Variants in LEMD3 observed in about 807,000 individuals in gnomAD.
LEMD3 encodes the protein LEM domain containing 3.
In LEMD3, 33 loss-of-function variants were observed where a neutral mutation model predicts 95.2. The observed-to-expected ratio is 0.35, with a 90% CI of 0.26 to 0.46. LEMD3 has a LOEUF of 0.46. Among genes scored for constraint, LEMD3 ranks in the 20% least tolerant of loss-of-function variants. The pLI is 1.00. For missense variants in LEMD3, 1,210 were observed against 1,192.8 expected (o/e 1.01, Z -0.21); for synonymous variants, 525 against 474.6 (o/e 1.11, Z -1.38).
At chr12:65,192,353 T>G (rs551843346) in intron 1 of LEMD3, among the ~76,000 whole-genome samples, 110 of 152,312 alleles carry the variant, frequency 7.2e-4, no homozygotes, top group African/African-American at 2.5e-3. Context: ...TTTTCTCATA[T>G]GCATTCATAT....
At position 65,169,739 on chromosome 12, in the gene LEMD3, A is replaced by G; in HGVS notation, c.143A>G (p.Glu48Gly). The G allele has an allele frequency of 6.3e-7, 1 of 1,592,946 alleles. No homozygotes were observed. The highest frequency in any genetic ancestry group is 2.3e-5 in the East Asian group (1 of 44,122). Residue 48 changes from glutamate (E) to glycine (G), a missense_variant, in exon 1 of 13, where the codon GAG becomes GGG. By Grantham distance (98) the Glu-to-Gly change is moderately conservative. Around this residue, in one of 2 missense-constraint regions of LEMD3, gnomAD observed 749 missense variants for 622.9 expected, o/e 1.20. Coordinates refer to ENST00000308330, the MANE Select transcript of LEMD3 (RefSeq NM_014319.5). ...CTCAAGAAGCTGAAGAAGCTTCGAG[A>G]GGAAGAGCAGCAACAGCACCGGTCA... Reference protein sequence around the residue: ...VYLKKLKKLREEEQQQHRSGG... With the variant: ...VYLKKLKKLRGEEQQQHRSGG...
chr12:65,236,299 T>C (rs543703272), intron 4 of LEMD3, among the ~76,000 whole-genome samples: 6 of 152,184 alleles, frequency 3.9e-5, no homozygotes, highest in Non-Finnish European at 8.8e-5. Context: ...CCTAGCACTT[T>C]GGGAGGCCAA....
intron 4 of LEMD3, 110 bp from the exon 5 acceptor site, chr12:65,238,392 A>G: frequency 2.8e-6 from 2 of 702,108 alleles, no homozygotes; most frequent in South Asian, 3.5e-5. Context: ...TGAATATTTT[A>G]TGTTATGTAG....
At chr12:65,212,778 T>C (rs1321545920) in intron 2 of LEMD3, among the ~76,000 whole-genome samples, 4 of 152,222 alleles carry the variant, frequency 2.6e-5, no homozygotes, top group African/African-American at 9.7e-5. Context: ...ATGTATTTAC[T>C]TGTGGAACTT....
chr12:65,226,169 A>G (rs1268874121), intron 4 of LEMD3, among the ~76,000 whole-genome samples: 4 of 152,208 alleles, frequency 2.6e-5, no homozygotes, highest in Non-Finnish European at 5.9e-5. Context: ...AGATTCAGAC[A>G]TGACAGAAAC....
At chr12:65,194,817 C>CTTTAGATTATAATTTATAAATTACAA (rs1869362956) in intron 1 of LEMD3, among the ~76,000 whole-genome samples, 1 of 10,426 alleles carries the variant, frequency 9.6e-5, no homozygotes. Flanking sequence ...CTTAATTATA[C>CTTTAGATTATAATTTATAAATTACAA]TTTAGATTAT....
chr12:65,195,890 C>T (rs1446062103), intron 1 of LEMD3, among the ~76,000 whole-genome samples: 5 of 151,972 alleles, frequency 3.3e-5, no homozygotes, highest in Non-Finnish European at 7.4e-5. Flanking sequence ...AAAAATAGTC[C>T]TTATGCCAGT....
Position 65,169,901 on chromosome 12 carries a change from G to A in LEMD3, c.305G>A (p.Arg102Gln), listed in dbSNP as rs1868460569. The A allele has an allele frequency of 4.1e-6, 6 of 1,449,480 alleles. No individual in the cohort carries two copies. The highest frequency in any genetic ancestry group is 5.4e-6 in the Non-Finnish European group (6 of 1,101,174). The allele number at this position is 1,449,480 out of a possible 1,614,324, so 89.8% of individuals were successfully genotyped here. A position where few individuals can be genotyped will look rare whatever the true frequency, so the allele number is the denominator to read the frequency against. Residue 102 changes from arginine (R) to glutamine (Q), a missense_variant, in exon 1 of 13, where the codon CGG becomes CAG. By Grantham distance (43) the Arg-to-Gln change is conservative. Coordinates refer to ENST00000308330, the MANE Select transcript of LEMD3 (RefSeq NM_014319.5). ...RPVSGDLSYL[R>Q]TPGGLCRISA... Reference sequence around the variant, plus strand: ...GTCTCGGGCGACCTCTCCTACTTACGGACTCCTGGGGGCCTGTGCCGAATC... The same window carrying A: ...GTCTCGGGCGACCTCTCCTACTTACAGACTCCTGGGGGCCTGTGCCGAATC...
At chr12:65,223,299 A>ATTTTT (rs35145654) in intron 4 of LEMD3, among the ~76,000 whole-genome samples, 1 of 118,656 alleles carries the variant, frequency 8.4e-6, no homozygotes, top group Admixed American at 8.8e-5. Context: ...TCATGTGATG[A>ATTTTT]TTTTTTTTTT....
Position 65,169,641 on chromosome 12 carries a change from G to T in LEMD3, c.45G>T (p.Glu15Asp), listed in dbSNP as rs1478048014. ...CGGCGCCTCAGCAGCTCTCGGATGA[G>T]GAGCTTTTCTCTCAGCTCCGCCGTT... ...AASAPQQLSD[E>D]ELFSQLRRYG... The change falls in exon 1 of 13, where the codon GAG (glutamate) becomes GAT (aspartate). Residue 15 changes from glutamate (E) to aspartate (D), a missense_variant. By Grantham distance (45) the Glu-to-Asp change is conservative. Coordinates refer to ENST00000308330, the MANE Select transcript of LEMD3 (RefSeq NM_014319.5). 1 of 1,589,036 alleles carries T rather than the reference G, an allele frequency of 6.3e-7. No homozygotes were observed. The highest frequency in any genetic ancestry group is 8.6e-7 in the Non-Finnish European group (1 of 1,169,424).
chr12:65,239,841 T>G, intron 6 of LEMD3, 88 bp from the exon 7 acceptor site: 1 of 870,886 alleles, frequency 1.1e-6, no homozygotes, highest in Non-Finnish European at 1.9e-6. Context: ...GAAGGTTCAT[T>G]CCGTTGTGGC....
At chr12:65,222,818 T>A (rs1332357794) in intron 4 of LEMD3, among the ~76,000 whole-genome samples, 3 of 152,058 alleles carry the variant, frequency 2.0e-5, no homozygotes, top group Non-Finnish European at 4.4e-5. Context: ...CTGCTTCTCA[T>A]AAATTTTGTT....
At chr12:65,186,977 A>C (rs1271061957) in intron 1 of LEMD3, among the ~76,000 whole-genome samples, 1 of 152,048 alleles carries the variant, frequency 6.6e-6, no homozygotes, top group Non-Finnish European at 1.5e-5. Context: ...ATTTGCAAGG[A>C]CTTTTACATA....
chr12:65,221,480 C>A (rs1870286198), intron 4 of LEMD3, among the ~76,000 whole-genome samples: 1 of 152,020 alleles, frequency 6.6e-6, no homozygotes, highest in East Asian at 1.9e-4. Context: ...GCCTTGGCCT[C>A]CTAAAGCACG....
In LEMD3 at chr12:65,170,876, C is replaced by G. The variant is rs1868524487; in HGVS notation, c.1280C>G (p.Ala427Gly). 11 of 1,614,118 alleles carry G rather than the reference C, an allele frequency of 6.8e-6. No individual in the cohort carries two copies. Among genetic ancestry groups the G allele is most frequent in the Non-Finnish European group, 7.6e-6 (9 of 1,180,050 alleles). ...AASSSLRINH[A>G]NHTGSNHTYL... ...TCTAGTTCACTCAGGATCAATCACGCCAATCATACGGGCTCCAATCATACC... is the reference window on the plus strand; with the variant it reads ...TCTAGTTCACTCAGGATCAATCACGGCAATCATACGGGCTCCAATCATACC... Residue 427 changes from alanine (A) to glycine (G), a missense_variant, in exon 1 of 13, where the codon GCC becomes GGC. This residue lies in a region of LEMD3 where 749 missense variants were observed against 622.9 expected (regional missense o/e 1.20). Transcript: ENST00000308330.
chr12:65,212,786 C>CT (rs1395964957), intron 2 of LEMD3, among the ~76,000 whole-genome samples: 3 of 152,206 alleles, frequency 2.0e-5, no homozygotes, highest in South Asian at 2.1e-4. Context: ...ACTTGTGGAA[C>CT]TTTAACTAGT....
intron 1 of LEMD3, among the ~76,000 whole-genome samples, chr12:65,193,279 G>A (rs929764187): frequency 2.0e-5 from 3 of 152,132 alleles, no homozygotes; most frequent in Non-Finnish European, 4.4e-5. Context: ...GGCCAAGTGG[G>A]TGACTTGAGA....
rs756879696 is a variant in LEMD3 at position 65,170,632 on chromosome 12, T to C, written c.1036T>C (p.Cys346Arg). ...EAAAAEQGGG[C>R]DQVDSSPVPR... ...GGCGGCCGCGGAGCAGGGAGGAGGG[T>C]GTGATCAAGTGGACTCCAGCCCCGT... The change falls in exon 1 of 13, where the codon TGT (cysteine) becomes CGT (arginine). Residue 346 changes from cysteine to arginine, a missense_variant. Coordinates refer to ENST00000308330, the MANE Select transcript of LEMD3 (RefSeq NM_014319.5). 2.1e-5 allele frequency: 34 copies of C among 1,613,580 alleles called. 1 individual carries two copies. Among genetic ancestry groups the C allele is most frequent in the Non-Finnish European group, 2.8e-5 (33 of 1,179,848 alleles).
At chr12:65,230,622 TATTTA>T (rs913910945) in intron 4 of LEMD3, among the ~76,000 whole-genome samples, 3 of 152,220 alleles carry the variant, frequency 2.0e-5, no homozygotes, top group African/African-American at 7.2e-5. Context: ...CCTGCAAGTT[TATTTA>T]ATTTATTTAT....
Sources: allele counts gnomAD v4.1 joint callset (sites outside exome capture counted in the v4.1 genomes callset), GRCh38; gene constraint gnomAD v4.1.1; regional missense constraint gnomAD v4.1.1; transcripts MANE v1.5; gene names NCBI Gene and HGNC (gene_info 2026-07-23, HGNC 2026-07-21).